The following SLC22A2 variants were observed in gnomAD, a reference collection of about 807,000 sequenced individuals.
SLC22A2 encodes the protein organic cation transporter 2.
A neutral mutation model predicts 60.5 loss-of-function variants in SLC22A2; 46 were observed. The ratio of observed to expected loss-of-function variants is 0.76; its 90% CI spans 0.60 to 0.97. The LOEUF (loss-of-function observed/expected upper bound fraction) is 0.97, where lower values mean the gene tolerates loss of function less well. SLC22A2 is among the 50% of genes least tolerant of loss of function. The pLI is 0.00. For missense variants in SLC22A2, 701 were observed against 706.6 expected, an observed-to-expected ratio of 0.99 and a Z score of 0.09; for synonymous variants, 303 against 267.0, an observed-to-expected ratio of 1.13 and a Z score of -1.31.
intron 2 of SLC22A2, among the ~76,000 whole-genome samples, chr6:160,254,979 T>G (rs1783246222): frequency 6.6e-6 from 1 of 152,044 alleles, no homozygotes; most frequent in Admixed American, 6.5e-5. Flanking sequence ...AGGGAGTGAG[T>G]GTTAGCACCT....
In SLC22A2 at chr6:160,242,330, C is replaced by A. The variant is rs1783022768; in HGVS notation, c.1352G>T (p.Cys451Phe). 6.2e-7 allele frequency: 1 copy of A among 1,608,340 alleles called. No individual in the cohort carries two copies. Among genetic ancestry groups the A allele is most frequent in the Non-Finnish European group, 8.5e-7 (1 of 1,174,662 alleles). The part of the protein sequence containing the change: ...MGITMAYEIV[C>F]LVNAELYPTF... ...GGGGTACAGCTCAGCATTGACCAGG[C>A]AGACTATCTCATAGGCCATTGTGAT... The change falls in exon 8 of 11, where the codon TGC (cysteine) becomes TTC (phenylalanine). Residue 451 changes from cysteine (C) to phenylalanine (F), a missense_variant. Coordinates refer to ENST00000366953, the MANE Select transcript of SLC22A2 (RefSeq NM_003058.4).
In SLC22A2 at chr6:160,250,618, C is replaced by A. The variant is rs141320073; in HGVS notation, c.603G>T (p.Thr201=). 52 of 1,614,022 alleles carry A rather than the reference C, an allele frequency of 3.2e-5. No homozygotes were observed. In the East Asian group the frequency reaches 6.7e-4, roughly 21 times the overall value. ...GVLMAISPTY[T]WMLIFRLIQG... is the part of the protein sequence containing the mutation. ...GGATTAAGCGAAAAATTAACATCCACGTATAGGTTGGGGAAATGGCCATGA... is the reference window on the plus strand; with the variant it reads ...GGATTAAGCGAAAAATTAACATCCAAGTATAGGTTGGGGAAATGGCCATGA... Residue 201 remains threonine (T), a synonymous_variant, in exon 3 of 11, where the codon ACG becomes ACT. Coordinates refer to ENST00000366953, the MANE Select transcript of SLC22A2 (RefSeq NM_003058.4).
At chr6:160,252,770 A>G (rs1783209428) in intron 2 of SLC22A2, among the ~76,000 whole-genome samples, 1 of 152,234 alleles carries the variant, frequency 6.6e-6, no homozygotes, top group South Asian at 2.1e-4. Flanking sequence ...CAAGATCCCC[A>G]GGAGATTTAT....
chr6:160,242,084 A>G (rs1319070635), intron 8 of SLC22A2, among the ~76,000 whole-genome samples: 3 of 152,104 alleles, frequency 2.0e-5, no homozygotes, highest in Non-Finnish European at 4.4e-5. Flanking sequence ...CTTGCAATTC[A>G]ATTTTCTGTT....
At chr6:160,252,763 G>C (rs1783209159) in intron 2 of SLC22A2, among the ~76,000 whole-genome samples, 1 of 152,200 alleles carries the variant, frequency 6.6e-6, no homozygotes, top group South Asian at 2.1e-4. Context: ...ATTTTAGCAA[G>C]ATCCCCAGGA....
In SLC22A2 at chr6:160,258,700, T is replaced by G; in HGVS notation, c.58A>C (p.Lys20Gln). The G allele has an allele frequency of 6.2e-7, 1 of 1,601,804 alleles. No individual in the cohort carries two copies. Among genetic ancestry groups the G allele is most frequent in the African/African-American group, 1.3e-5 (1 of 74,646 alleles). ...EHGGEFHFFQ[K>Q]QMFFLLALLS... is the part of the protein sequence containing the mutation. Reference sequence around the variant, plus strand: ...AGAGCCAAGAGGAAAAACATTTGCTTCTGGAAAAAGTGAAACTCCCCTCCA... The same window carrying G: ...AGAGCCAAGAGGAAAAACATTTGCTGCTGGAAAAAGTGAAACTCCCCTCCA... Residue 20 changes from lysine to glutamine, a missense_variant, in exon 1 of 11, where the codon AAG (lysine) becomes CAG (glutamine). Coordinates refer to ENST00000366953, the MANE Select transcript of SLC22A2 (RefSeq NM_003058.4).
chr6:160,229,707 T>C (rs1388441723), intron 9 of SLC22A2, among the ~76,000 whole-genome samples: 1 of 151,772 alleles, frequency 6.6e-6, no homozygotes, highest in African/African-American at 2.4e-5. Flanking sequence ...GCCTCCTTCA[T>C]TATGGACAAC....
intron 10 of SLC22A2, among the ~76,000 whole-genome samples, chr6:160,219,207 G>GAACAGCAGCAATAATTAT (rs1782604329): frequency 1.0e-3 from 2 of 1,964 alleles, no homozygotes; most frequent in East Asian, 0.016. Flanking sequence ...GCAGCAGTAG[G>GAACAGCAGCAATAATTAT]AACAGCAGCA....
Position 160,224,714 on chromosome 6 carries a change from T to G in SLC22A2, c.1592A>C (p.Asn531Thr), listed in dbSNP as rs1782695253. The G allele has an allele frequency of 2.5e-6, 4 of 1,603,660 alleles. No individual in the cohort carries two copies. The highest frequency in any genetic ancestry group is 3.4e-6 in the Non-Finnish European group (4 of 1,173,832). ...ALPETIEEAE[N>T]MQRPRKNKEK... ...ACTTTCAACTGCCTACCTTTGCATA[T>G]TTTCGGCTTCCTCGATGGTCTCAGG... is the stretch of plus-strand genomic sequence containing the variant. The change falls in exon 10 of 11, where the codon AAT becomes ACT. Residue 531 changes from asparagine to threonine, a missense_variant. By Grantham distance (65) the Asn-to-Thr change is moderately conservative (BLOSUM62 0). Coordinates refer to ENST00000366953, the MANE Select transcript of SLC22A2 (RefSeq NM_003058.4).
Position 160,241,474 on chromosome 6 carries a change from C to T in SLC22A2, c.1501G>A (p.Gly501Ser), listed in dbSNP as rs545123045. ...AAAGACATCTGTGAAGATTTCTTAC[C>T]GAAAACCATCAGCGGGAGCTCAAGC... Reference protein sequence around the residue: ...IWLELPLMVFGVLGLVAGGLV... With the variant: ...IWLELPLMVFSVLGLVAGGLV... Residue 501 changes from glycine (G) to serine (S), a missense_variant and splice_region_variant, in exon 9 of 11, where the codon GGC becomes AGC. Gly to Ser is a moderately conservative substitution (Grantham distance 56, BLOSUM62 0). Coordinates refer to ENST00000366953, the MANE Select transcript of SLC22A2 (RefSeq NM_003058.4). 28 of 1,603,546 alleles carry T rather than the reference C, an allele frequency of 1.7e-5. No individual in the cohort carries two copies. The highest frequency in any genetic ancestry group is 1.7e-4 in the Middle Eastern group (1 of 6,046).
chr6:160,242,246 G>T, intron 8 of SLC22A2, 48 bp downstream of exon 8: 2 of 1,009,712 alleles, frequency 2.0e-6, no homozygotes, highest in South Asian at 2.5e-5. Context: ...TCCAGCCAAT[G>T]AACAAATGTC....
At chr6:160,245,943 C>G (rs1306774393) in intron 5 of SLC22A2, among the ~76,000 whole-genome samples, 3 of 149,214 alleles carry the variant, frequency 2.0e-5, no homozygotes, top group African/African-American at 7.4e-5. Context: ...TCTTGGCTCA[C>G]TGAAACATCT....
At chr6:160,242,022 T>G (rs1783016849) in intron 8 of SLC22A2, among the ~76,000 whole-genome samples, 1 of 152,278 alleles carries the variant, frequency 6.6e-6, no homozygotes, top group East Asian at 1.9e-4. Flanking sequence ...TCTATGGACC[T>G]GTTTGTGCTG....
At chr6:160,235,540 T>C (rs1221252016) in intron 9 of SLC22A2, among the ~76,000 whole-genome samples, 1 of 8,108 alleles carries the variant, frequency 1.2e-4, no homozygotes, top group African/African-American at 2.8e-4. Flanking sequence ...AAGATAAAGC[T>C]GAAGGTTTCA....
At chr6:160,234,484 G>T (rs1562433439) in intron 9 of SLC22A2, among the ~76,000 whole-genome samples, 1 of 152,122 alleles carries the variant, frequency 6.6e-6, no homozygotes, top group African/African-American at 2.4e-5. Context: ...CACAGGAGGA[G>T]CTGCCCCTGC....
At chr6:160,228,326 G>A (rs1303832504) in intron 9 of SLC22A2, among the ~76,000 whole-genome samples, 2 of 152,162 alleles carry the variant, frequency 1.3e-5, no homozygotes, top group Non-Finnish European at 2.9e-5. Context: ...GCGTACCCAG[G>A]TAAAGGACGT....
chr6:160,224,892 T>C, intron 9 of SLC22A2, 88 bp from the exon 10 acceptor site: 1 of 658,258 alleles, frequency 1.5e-6, no homozygotes, highest in Non-Finnish European at 2.4e-6. Context: ...TTTAAAACTT[T>C]TTTTTAGCAT....
At chr6:160,257,133 C>T (rs532264778) in intron 1 of SLC22A2, among the ~76,000 whole-genome samples, 2 of 152,320 alleles carry the variant, frequency 1.3e-5, no homozygotes, top group South Asian at 2.1e-4. Context: ...GCTAAAACTA[C>T]AGCATTGGCT....
intron 2 of SLC22A2, among the ~76,000 whole-genome samples, chr6:160,253,176 G>A (rs568092790): frequency 5.3e-5 from 8 of 152,246 alleles, no homozygotes; most frequent in Non-Finnish European, 1.2e-4. Context: ...TCCTTGTGGA[G>A]CAGGGATATT....
Sources: gnomAD v4.1 joint callset for allele counts (sites outside exome capture counted in the v4.1 genomes callset) on GRCh38, gnomAD v4.1.1 for gene constraint, MANE v1.5 for transcripts, NCBI Gene and HGNC (gene_info 2026-07-23, HGNC 2026-07-21) for gene names.